Variants in FRMD4A observed in about 807,000 individuals in gnomAD.
FRMD4A encodes the protein FERM domain containing 4A, also known as FERM domain-containing protein 4A.
FRMD4A carries 29 observed loss-of-function variants against 129.1 expected under a neutral mutation model. That is an observed-to-expected ratio of 0.22 (90% CI 0.17 to 0.31). The LOEUF (loss-of-function observed/expected upper bound fraction) is 0.31. Ranked by LOEUF, FRMD4A falls within the 10% of genes least tolerant of loss-of-function variation. The pLI is 1.00. For missense variants in FRMD4A, 1,272 were observed against 1,375.8 expected, an observed-to-expected ratio of 0.92 and a Z score of 1.19; for synonymous variants, 634 against 571.6, an observed-to-expected ratio of 1.11 and a Z score of -1.56.
chr10:14,148,854 T>C (rs1217533229), intron 2 of FRMD4A, among the ~76,000 whole-genome samples: 1 of 152,142 alleles, frequency 6.6e-6, no homozygotes, highest in African/African-American at 2.4e-5. Flanking sequence ...AGCTTTAAGA[T>C]CTTGGGCAAG....
chr10:13,661,472 A>AGCTCTGGGCG (rs2082635100), intron 19 of FRMD4A, among the ~76,000 whole-genome samples: 1 of 151,970 alleles, frequency 6.6e-6, no homozygotes, highest in African/African-American at 2.4e-5. Context: ...GAGTAAGGGC[A>AGCTCTGGGCG]GAGCTCTGGC....
intron 3 of FRMD4A, among the ~76,000 whole-genome samples, chr10:13,835,451 G>A (rs1008608305): frequency 6.6e-6 from 1 of 152,142 alleles, no homozygotes; most frequent in Non-Finnish European, 1.5e-5. Flanking sequence ...CAGGAACCGG[G>A]CTCCACAGCA....
chr10:13,796,475 A>G (rs371983779), intron 5 of FRMD4A, 21 bp downstream of exon 5: 54 of 1,178,934 alleles, frequency 4.6e-5, no homozygotes, highest in Non-Finnish European at 6.8e-5. Flanking sequence ...AAGCAAAAGT[A>G]TAGACACCAG....
intron 15 of FRMD4A, among the ~76,000 whole-genome samples, chr10:13,688,907 C>T (rs537093400): frequency 8.6e-5 from 13 of 151,914 alleles, no homozygotes; most frequent in East Asian, 1.9e-4. Flanking sequence ...TGGTAGAGAC[C>T]GGATTTCATC....
chr10:14,220,375 A>G (rs957376307), intron 2 of FRMD4A, among the ~76,000 whole-genome samples: 3 of 152,220 alleles, frequency 2.0e-5, no homozygotes, highest in African/African-American at 7.2e-5. Context: ...GGCCGTCAAC[A>G]TAAACTCCTT....
At chr10:13,933,402 G>A (rs1199966961) in intron 2 of FRMD4A, among the ~76,000 whole-genome samples, 1 of 152,122 alleles carries the variant, frequency 6.6e-6, no homozygotes, top group Non-Finnish European at 1.5e-5. Flanking sequence ...CCCTATGCTT[G>A]GGCCGTTCCC....
intron 2 of FRMD4A, among the ~76,000 whole-genome samples, chr10:14,067,146 T>C (rs1020575477): frequency 6.6e-6 from 1 of 151,780 alleles, no homozygotes; most frequent in South Asian, 2.1e-4. Flanking sequence ...TGAAACCCCG[T>C]CTCTAATAAA....
At chr10:14,237,153 C>A (rs879104647) in intron 2 of FRMD4A, among the ~76,000 whole-genome samples, 1 of 151,844 alleles carries the variant, frequency 6.6e-6, no homozygotes, top group Admixed American at 6.6e-5. Context: ...CACAGCTGCA[C>A]AGAAGTCAGA....
chr10:13,803,776 G>C (rs1005805361), intron 4 of FRMD4A, among the ~76,000 whole-genome samples: 2 of 152,224 alleles, frequency 1.3e-5, no homozygotes, highest in African/African-American at 4.8e-5. Context: ...ATAAATATTT[G>C]TTAAGAGAAT....
In FRMD4A at chr10:13,656,752, G is replaced by A. The variant is rs983630296; in HGVS notation, c.2837C>T (p.Ser946Leu). 4.4e-6 allele frequency: 7 copies of A among 1,598,926 alleles called. No individual in the cohort carries two copies. Among genetic ancestry groups the A allele is most frequent in the East Asian group, 2.3e-5 (1 of 43,130 alleles). The change falls in exon 22 of 25, where the codon TCG becomes TTG. Residue 946 changes from serine (S) to leucine (L), a missense_variant. Ser to Leu is a moderately radical substitution (Grantham distance 145). Transcript: ENST00000357447. ...TASHKEHSRLSHTSSTSSDSG... is the reference protein window; with the variant it reads ...TASHKEHSRLLHTSSTSSDSG... ...GTCCGAGGAGGTGGAGCTGGTGTGC[G>A]ACAGGCGGCTGTGCTCCTTGTGCGA...
chr10:14,025,598 G>C (rs1832952494), intron 2 of FRMD4A, among the ~76,000 whole-genome samples: 1 of 152,086 alleles, frequency 6.6e-6, no homozygotes, highest in African/African-American at 2.4e-5. Context: ...GGGGCCTTAA[G>C]GATAGTCACT....
chr10:13,681,608 G>A (rs1312457858), intron 15 of FRMD4A, among the ~76,000 whole-genome samples: 4 of 152,134 alleles, frequency 2.6e-5, no homozygotes, highest in South Asian at 2.1e-4. Context: ...AAAGTTTCAG[G>A]CAACACTCAG....
At chr10:14,069,525 G>A (rs1835217636) in intron 2 of FRMD4A, among the ~76,000 whole-genome samples, 1 of 152,080 alleles carries the variant, frequency 6.6e-6, no homozygotes, top group South Asian at 2.1e-4. Flanking sequence ...GAGCCATGAA[G>A]AATTTTTCAT....
intron 14 of FRMD4A, among the ~76,000 whole-genome samples, chr10:13,695,202 C>T (rs980791431): frequency 6.6e-6 from 1 of 151,804 alleles, no homozygotes; most frequent in Non-Finnish European, 1.5e-5. Flanking sequence ...GTGCAGTGGC[C>T]CAGTCTTGAC....
intron 2 of FRMD4A, among the ~76,000 whole-genome samples, chr10:14,140,548 C>T (rs1390431454): frequency 6.6e-6 from 1 of 152,204 alleles, no homozygotes; most frequent in Non-Finnish European, 1.5e-5. Context: ...CACTTAACCT[C>T]TGAGGCCGGG....
Position 14,330,169 on chromosome 10 carries a change from A to AG in FRMD4A, c.-68dup. 6.7e-7 allele frequency: 1 copy of AG among 1,487,458 alleles called. No individual in the cohort carries two copies. Among genetic ancestry groups the AG allele is most frequent in the Non-Finnish European group, 9.2e-7 (1 of 1,091,536 alleles). 92.1% of individuals were successfully genotyped at this position (1,487,458 alleles called of 1,614,324 possible). A position where few individuals can be genotyped will look rare whatever the true frequency, so the allele number is the denominator to read the frequency against. ...CCTCCTGGGCCCCGGGTGGCTACAG[A>AG]GCATCCAAAAGCACCTGCAGAAAAA... is the stretch of plus-strand genomic sequence containing the variant. On this transcript the variant is annotated 5_prime_UTR_variant, in exon 2 of 25. The change abolishes the stop of an existing upstream ORF in the 5' untranslated region. Coordinates refer to ENST00000357447, the MANE Select transcript of FRMD4A (RefSeq NM_018027.5).
intron 2 of FRMD4A, among the ~76,000 whole-genome samples, chr10:13,954,387 G>C (rs186804041): frequency 6.6e-6 from 1 of 152,072 alleles, no homozygotes; most frequent in East Asian, 1.9e-4. Context: ...GAGCGTGTGC[G>C]GGGGAACTCA....
intron 2 of FRMD4A, among the ~76,000 whole-genome samples, chr10:13,933,586 A>T (rs2131292065): frequency 1.3e-5 from 2 of 152,294 alleles, no homozygotes; most frequent in Middle Eastern, 3.4e-3. Context: ...GACAGGGGTC[A>T]CTCTATCCCA....
chr10:14,092,762 T>A (rs1198918637), intron 2 of FRMD4A, among the ~76,000 whole-genome samples: 1 of 152,048 alleles, frequency 6.6e-6, no homozygotes, highest in Non-Finnish European at 1.5e-5. Context: ...GAGTCTGTCA[T>A]CAAATAGGTG....
Sources: allele counts gnomAD v4.1 joint callset (sites outside exome capture counted in the v4.1 genomes callset), GRCh38; gene constraint gnomAD v4.1.1; transcripts MANE v1.5; gene names NCBI Gene and HGNC (gene_info 2026-07-23, HGNC 2026-07-21).